The following PCDHGB2 variants were observed in gnomAD, a reference collection of about 807,000 sequenced individuals.
The protein encoded by PCDHGB2 is protocadherin gamma subfamily B, 2, also known as protocadherin gamma-B2.
PCDHGB2 carries 55 observed loss-of-function variants against 59.3 expected under a neutral mutation model. The ratio of observed to expected loss-of-function variants is 0.93; its 90% CI spans 0.75 to 1.16. The LOEUF (loss-of-function observed/expected upper bound fraction) is 1.16, where lower values mean the gene tolerates loss of function less well. Among genes scored for constraint, PCDHGB2 ranks in the 50% most tolerant of loss-of-function variants. The pLI is 0.00. For synonymous variants in PCDHGB2, 516 were observed against 512.0 expected, an observed-to-expected ratio of 1.01 and a Z score of -0.11; for missense variants, 1,228 against 1,198.5, an observed-to-expected ratio of 1.02 and a Z score of -0.36.
intron 3 of PCDHGB2, among the ~76,000 whole-genome samples, chr5:141,508,620 G>A (rs1017391751): frequency 2.0e-5 from 3 of 152,070 alleles, no homozygotes; most frequent in East Asian, 1.9e-4. Context: ...GACGTGGGTG[G>A]GCCGAGCTTC....
intron 1 of PCDHGB2, chr5:141,421,422 C>T (rs908483513): frequency 6.2e-7 from 1 of 1,614,086 alleles, no homozygotes; most frequent in Non-Finnish European, 8.5e-7. Flanking sequence ...AGCGCGGAGT[C>T]CGCATCGTCT....
intron 1 of PCDHGB2, chr5:141,383,041 A>C: frequency 6.2e-7 from 1 of 1,613,860 alleles, no homozygotes; most frequent in Non-Finnish European, 8.5e-7. Context: ...TGTGGGAGAC[A>C]TCGCCAAGGA....
At position 141,490,490 on chromosome 5, in the gene PCDHGB2, C is replaced by T; in HGVS notation, c.2422-4317C>T. 1 of 1,614,184 alleles carries T rather than the reference C, an allele frequency of 6.2e-7. No homozygotes were observed. The highest frequency in any genetic ancestry group is 8.5e-7 in the Non-Finnish European group (1 of 1,180,028). The stretch of plus-strand genomic sequence containing the variant: ...AGCCAGCCTTTGGACCGGGAGGCCA[C>T]ATCCCACTATATCATCGAGCTGCTG... On this transcript the variant is annotated intron_variant, in intron 1 of 3. Coordinates refer to ENST00000522605, the MANE Select transcript of PCDHGB2 (RefSeq NM_018923.3). The surrounding 1 kb of genome is among the most constrained non-coding windows in gnomAD (Gnocchi z 5.4).
intron 1 of PCDHGB2, chr5:141,478,878 T>A: frequency 8.0e-7 from 1 of 1,250,194 alleles, no homozygotes; most frequent in Non-Finnish European, 1.1e-6. Flanking sequence ...GAGTTTAGCT[T>A]GGTATCATTT....
chr5:141,467,284 C>T (rs2099140788), intron 1 of PCDHGB2, among the ~76,000 whole-genome samples: 1 of 152,080 alleles, frequency 6.6e-6, no homozygotes, highest in Non-Finnish European at 1.5e-5. Context: ...AACTCTTGAC[C>T]TCAAGTGATC....
intron 1 of PCDHGB2, among the ~76,000 whole-genome samples, chr5:141,386,902 G>A (rs2090736648): frequency 6.6e-6 from 1 of 152,206 alleles, no homozygotes; most frequent in Non-Finnish European, 1.5e-5. Flanking sequence ...TCAATTCAGA[G>A]GTCACCAAGG....
At chr5:141,481,357 G>A (rs1399668487) in intron 1 of PCDHGB2, among the ~76,000 whole-genome samples, 1 of 152,176 alleles carries the variant, frequency 6.6e-6, no homozygotes, top group Non-Finnish European at 1.5e-5. Context: ...ATCTACAGCT[G>A]TTCAATAGAT....
At chr5:141,368,563 T>C (rs1228765550) in intron 1 of PCDHGB2, among the ~76,000 whole-genome samples, 1 of 152,184 alleles carries the variant, frequency 6.6e-6, no homozygotes, top group Non-Finnish European at 1.5e-5. Context: ...GAAAATGTTA[T>C]ATGCTTCTTA....
chr5:141,418,941 C>T, intron 1 of PCDHGB2: 1 of 1,614,034 alleles, frequency 6.2e-7, no homozygotes, highest in Non-Finnish European at 8.5e-7. Context: ...GAGGATTCCC[C>T]TCCAGGAGTG....
intron 1 of PCDHGB2, chr5:141,390,432 C>T: frequency 2.0e-6 from 2 of 985,350 alleles, no homozygotes; most frequent in South Asian, 3.4e-5. Context: ...GCTGTCATAT[C>T]ATTCTACAAA....
intron 1 of PCDHGB2, chr5:141,422,231 T>A: frequency 3.2e-6 from 5 of 1,566,292 alleles, no homozygotes; most frequent in Non-Finnish European, 4.3e-6. Context: ...ACGACGATGT[T>A]GATCACTGTT....
At chr5:141,410,008 C>A (rs2095347582) in intron 1 of PCDHGB2, 1 of 1,613,220 alleles carries the variant, frequency 6.2e-7, no homozygotes, top group Non-Finnish European at 8.5e-7. Flanking sequence ...GACACAACGC[C>A]TGGCTGTCCT....
rs2099629540 is a variant in PCDHGB2, at chr5:141,486,436, T to C, written c.2422-8371T>C. 2 of 1,614,188 alleles carry C rather than the reference T, an allele frequency of 1.2e-6. No individual in the cohort carries two copies. The highest frequency in any genetic ancestry group is 1.7e-6 in the Non-Finnish European group (2 of 1,180,020). On this transcript the variant is annotated intron_variant, in intron 1 of 3. Coordinates refer to ENST00000522605, the MANE Select transcript of PCDHGB2 (RefSeq NM_018923.3). This position sits in a 1 kb window ranked among gnomAD's most constrained non-coding sequence, Gnocchi z 5.0. ...TGGATCGAGAGGCCAAATCTAGCTA[T>C]GACATCATGGTCACTGCTTCTGATG... is the stretch of plus-strand genomic sequence containing the variant.
intron 1 of PCDHGB2, chr5:141,409,819 G>A (rs781534809): frequency 1.2e-6 from 2 of 1,610,356 alleles, no homozygotes; most frequent in African/African-American, 2.7e-5. Context: ...ACCACGGCTC[G>A]CCCACGCTCA....
chr5:141,442,675 G>A (rs1381554808), intron 1 of PCDHGB2, among the ~76,000 whole-genome samples: 1 of 152,248 alleles, frequency 6.6e-6, no homozygotes, highest in Admixed American at 6.5e-5. Context: ...GTGAGCTTGA[G>A]GGACAGTAGT....
In PCDHGB2 at chr5:141,431,377, T is replaced by A; in HGVS notation, c.2422-63430T>A. 1 of 1,613,426 alleles carries A rather than the reference T, an allele frequency of 6.2e-7. No individual in the cohort carries two copies. Among genetic ancestry groups the A allele is most frequent in the Non-Finnish European group, 8.5e-7 (1 of 1,179,558 alleles). ...GCGCCCTGGACCGCGAAGAAAAGGC[T>A]GCTCACCACCTGGTCCTTACGGCCT... is the stretch of plus-strand genomic sequence containing the variant. On this transcript the variant is annotated intron_variant, in intron 1 of 3. Coordinates refer to ENST00000522605, the MANE Select transcript of PCDHGB2 (RefSeq NM_018923.3). This position sits in a 1 kb window ranked among gnomAD's most constrained non-coding sequence, Gnocchi z 4.8.
intron 1 of PCDHGB2, chr5:141,396,659 A>G (rs2093416733): frequency 6.6e-6 from 1 of 151,984 alleles, no homozygotes; most frequent in African/African-American, 2.4e-5. Context: ...AAAACTCGGT[A>G]TAGGCTATCC....
chr5:141,402,563 T>C (rs2094279860), intron 1 of PCDHGB2, among the ~76,000 whole-genome samples: 1 of 152,232 alleles, frequency 6.6e-6, no homozygotes, highest in African/African-American at 2.4e-5. Flanking sequence ...TTCCACTTTA[T>C]TTACAACTCA....
intron 1 of PCDHGB2, 73 bp downstream of exon 1, chr5:141,362,629 G>A (rs1314036163): frequency 2.1e-5 from 32 of 1,492,692 alleles, no homozygotes; most frequent in Middle Eastern, 1.9e-4. Context: ...GTTCCACTGC[G>A]TATTTCTTTG....
Sources: gnomAD v4.1 joint callset for allele counts (sites outside exome capture counted in the v4.1 genomes callset) on GRCh38, gnomAD v4.1.1 for gene constraint, Gnocchi (gnomAD v3.1) non-coding constraint, MANE v1.5 for transcripts, NCBI Gene and HGNC (gene_info 2026-07-23, HGNC 2026-07-21) for gene names.